FNDC3B: variants seen among roughly 807,000 people sequenced by gnomAD.
FNDC3B encodes the protein fibronectin type III domain containing 3B.
Under a neutral mutation model 151.5 loss-of-function variants are expected in FNDC3B, and 12 were observed. That is an observed-to-expected ratio of 0.08 (90% CI 0.05 to 0.13). The LOEUF is 0.13. FNDC3B is among the 10% of genes least tolerant of loss of function. The pLI, the probability that FNDC3B is intolerant of heterozygous loss-of-function variation, is 1.00. For synonymous variants in FNDC3B, 528 were observed against 549.0 expected, an observed-to-expected ratio of 0.96 and a Z score of 0.54; for missense variants, 1,214 against 1,505.3, an observed-to-expected ratio of 0.81 and a Z score of 3.20.
intron 3 of FNDC3B, among the ~76,000 whole-genome samples, chr3:172,219,413 G>A (rs1232066319): frequency 6.6e-6 from 1 of 152,052 alleles, no homozygotes; most frequent in Non-Finnish European, 1.5e-5. Context: ...AGTAACCCCA[G>A]TTTTACTACC....
intron 3 of FNDC3B, among the ~76,000 whole-genome samples, chr3:172,164,663 G>T (rs1309552311): frequency 6.6e-6 from 1 of 152,220 alleles, no homozygotes; most frequent in Non-Finnish European, 1.5e-5. Flanking sequence ...ATTAAGAATT[G>T]ACCGAATACT....
Position 172,247,769 on chromosome 3 carries a change from T to A in FNDC3B, c.501T>A (p.Gly167=), listed in dbSNP as rs761607051. Residue 167 remains glycine (G), a synonymous_variant, in exon 5 of 26, where the codon GGT becomes GGA. Transcript: ENST00000415807. ...PQHHLPHTIY[G]EQEIIPFYGM... ...ATCATCTTCCCCACACAATATATGG[T>A]GAGCAAGGTGAGTAGATTTTCGTTG... 6.2e-7 allele frequency: 1 copy of A among 1,614,106 alleles called. No homozygotes were observed. The highest frequency in any genetic ancestry group is 1.1e-5 in the South Asian group (1 of 91,082).
chr3:172,256,777 A>G (rs1728364909), intron 6 of FNDC3B, among the ~76,000 whole-genome samples: 1 of 152,166 alleles, frequency 6.6e-6, no homozygotes, highest in Non-Finnish European at 1.5e-5. Context: ...AATTAGGTGA[A>G]TTTAGAGTAA....
At chr3:172,337,506 T>A in intron 16 of FNDC3B, 105 bp downstream of exon 16, 2 of 766,386 alleles carry the variant, frequency 2.6e-6, no homozygotes, top group South Asian at 1.6e-5. Flanking sequence ...ATTCTAAAGA[T>A]AGAATTATTA....
chr3:172,231,878 C>CT (rs1726909429), intron 4 of FNDC3B, among the ~76,000 whole-genome samples: 6 of 111,930 alleles, frequency 5.4e-5, no homozygotes, highest in South Asian at 3.3e-4. Flanking sequence ...CTTTATTTAC[C>CT]GTTTTTTTTT....
chr3:172,392,186 T>TCCTGAGAGAC (rs1736044472), intron 25 of FNDC3B, among the ~76,000 whole-genome samples: 2 of 152,176 alleles, frequency 1.3e-5, no homozygotes, highest in Non-Finnish European at 2.9e-5. Flanking sequence ...AAAGGAATGG[T>TCCTGAGAGAC]CTCTCAGGAC....
intron 7 of FNDC3B, among the ~76,000 whole-genome samples, chr3:172,294,808 G>T (rs1730510780): frequency 6.6e-6 from 1 of 152,210 alleles, no homozygotes. Context: ...ATCTGAAGCA[G>T]AGGCTAAACC....
In FNDC3B at chr3:172,049,623, G is replaced by A. The variant is rs575778273; in HGVS notation, c.-29+9852G>A. On this transcript the variant is annotated intron_variant, in intron 1 of 25. Coordinates refer to ENST00000415807, the MANE Select transcript of FNDC3B (RefSeq NM_022763.4). ...GCTCACCCTGACCTCTGCCTCCCAGGTTCAAGCGATTCTTCTGCCTCAGTC... is the reference window on the plus strand; with the variant it reads ...GCTCACCCTGACCTCTGCCTCCCAGATTCAAGCGATTCTTCTGCCTCAGTC... Among the ~76,000 whole-genome samples, 44 of 152,226 alleles carry A rather than the reference G, an allele frequency of 2.9e-4. No homozygotes were observed. The Middle Eastern group carries it at 0.01, about 35-fold the overall frequency.
At chr3:172,126,649 A>G (rs1345025196) in intron 2 of FNDC3B, among the ~76,000 whole-genome samples, 2 of 152,210 alleles carry the variant, frequency 1.3e-5, no homozygotes, top group Non-Finnish European at 2.9e-5. Flanking sequence ...TATGGTGGAC[A>G]ACGTCTCAAA....
At position 172,134,598 on chromosome 3, in the gene FNDC3B, G is replaced by A. The variant is rs941791687; in HGVS notation, c.187+1052G>A. ...TAGAAACAGTTTTTTTTTTCCTTGC[G>A]TAATAGTAGAGCATGTTGCTTTGTA... is the stretch of plus-strand genomic sequence containing the variant. On this transcript the variant is annotated intron_variant, in intron 3 of 25. Transcript: ENST00000415807. 4.6e-5 allele frequency among the ~76,000 whole-genome samples: 7 copies of A among 151,622 alleles called. 1 individual carries two copies. The highest frequency in any genetic ancestry group is 6.8e-3 in the Middle Eastern group (2 of 294).
intron 1 of FNDC3B, among the ~76,000 whole-genome samples, chr3:172,083,380 C>T (rs2108501371): frequency 6.6e-6 from 1 of 152,356 alleles, no homozygotes; most frequent in East Asian, 1.9e-4. Flanking sequence ...CTGAGGAACA[C>T]TGAACTCGGA....
intron 3 of FNDC3B, among the ~76,000 whole-genome samples, chr3:172,162,750 C>A (rs1722841512): frequency 6.7e-6 from 1 of 149,746 alleles, no homozygotes; most frequent in African/African-American, 2.5e-5. Context: ...GATCGGCATT[C>A]ACATACTTAA....
At chr3:172,359,454 T>C (rs1734264726) in intron 22 of FNDC3B, among the ~76,000 whole-genome samples, 1 of 152,120 alleles carries the variant, frequency 6.6e-6, no homozygotes, top group Non-Finnish European at 1.5e-5. Context: ...TGTTTGTACC[T>C]AGAGTAAAGG....
At chr3:172,231,508 A>G (rs1216100863) in intron 4 of FNDC3B, among the ~76,000 whole-genome samples, 7 of 152,196 alleles carry the variant, frequency 4.6e-5, no homozygotes, top group African/African-American at 1.4e-4. Flanking sequence ...CCAGTTATGA[A>G]TTGGGAAACA....
chr3:172,330,705 A>C lies in FNDC3B; in HGVS notation c.1544A>C (p.Glu515Ala). Residue 515 changes from glutamate (E) to alanine (A), a missense_variant, in exon 13 of 26, where the codon GAG becomes GCG. Transcript: ENST00000415807. ...ATCACCTACACCTTGGAAATTCAGG[A>C]GGATGAAAATGTGAGTTTTACAGAT... is the stretch of plus-strand genomic sequence containing the variant. Reference protein sequence around the residue: ...EVITYTLEIQEDENDNLFHPK... With the variant: ...EVITYTLEIQADENDNLFHPK... 1 of 1,612,804 alleles carries C rather than the reference A, an allele frequency of 6.2e-7. No individual in the cohort carries two copies. Among genetic ancestry groups the C allele is most frequent in the Non-Finnish European group, 8.5e-7 (1 of 1,179,086 alleles).
At chr3:172,083,464 G>C (rs1718384314) in intron 1 of FNDC3B, among the ~76,000 whole-genome samples, 1 of 152,198 alleles carries the variant, frequency 6.6e-6, no homozygotes, top group Non-Finnish European at 1.5e-5. Context: ...TACCTCATCT[G>C]TCTGTTCACA....
intron 25 of FNDC3B, among the ~76,000 whole-genome samples, chr3:172,386,336 A>G (rs1438684854): frequency 1.3e-5 from 2 of 152,242 alleles, no homozygotes; most frequent in Admixed American, 1.3e-4. Flanking sequence ...AGTATTTAAT[A>G]TAAGCATTGA....
intron 4 of FNDC3B, chr3:172,237,448 G>A (rs563653502): frequency 2.0e-5 from 3 of 152,612 alleles, no homozygotes; most frequent in African/African-American, 7.2e-5. Context: ...CCTCCTGAGA[G>A]CTGGGGACCA....
chr3:172,335,194 C>T, intron 15 of FNDC3B, 112 bp downstream of exon 15: 1 of 1,115,074 alleles, frequency 9.0e-7, no homozygotes, highest in Non-Finnish European at 1.2e-6. Flanking sequence ...ATGGTATTTG[C>T]AGAAGTTTTC....
Sources: allele counts gnomAD v4.1 joint callset (sites outside exome capture counted in the v4.1 genomes callset), GRCh38; gene constraint gnomAD v4.1.1; transcripts MANE v1.5; gene names NCBI Gene and HGNC (gene_info 2026-07-23, HGNC 2026-07-21).